BMPR1A: variants seen among roughly 807,000 people sequenced by gnomAD.
BMPR1A encodes the protein bone morphogenetic protein receptor type-1A.
A neutral mutation model predicts 66.0 loss-of-function variants in BMPR1A; 7 were observed. That is an observed-to-expected ratio of 0.11 (90% CI 0.06 to 0.20). The LOEUF is 0.20. Among genes scored for constraint, BMPR1A ranks in the 10% least tolerant of loss-of-function variants. The probability of loss-of-function intolerance (pLI) is 1.00; values close to 1 mark genes in which losing one functional copy is unlikely to be tolerated. For missense variants in BMPR1A, 408 were observed against 669.1 expected (o/e 0.61, Z 4.31); for synonymous variants, 200 against 229.7 (o/e 0.87, Z 1.17).
At chr10:86,901,764 A>T (rs1004083512) in intron 7 of BMPR1A, among the ~76,000 whole-genome samples, 1 of 152,210 alleles carries the variant, frequency 6.6e-6, no homozygotes, top group Non-Finnish European at 1.5e-5. Context: ...GACAGGTGAT[A>T]ATATCTCAAG....
chr10:86,873,868 A>T (rs1205992610), intron 2 of BMPR1A, among the ~76,000 whole-genome samples: 1 of 152,244 alleles, frequency 6.6e-6, no homozygotes, highest in African/African-American at 2.4e-5. Flanking sequence ...AAACAATTTT[A>T]TATTACAGAA....
chr10:86,869,037 A>G (rs1426967666), intron 2 of BMPR1A, among the ~76,000 whole-genome samples: 2 of 152,184 alleles, frequency 1.3e-5, no homozygotes, highest in African/African-American at 2.4e-5. Flanking sequence ...CAGCATGTCA[A>G]ATATCTGCAT....
intron 2 of BMPR1A, among the ~76,000 whole-genome samples, chr10:86,852,343 A>G (rs879928393): frequency 6.6e-6 from 1 of 152,178 alleles, no homozygotes; most frequent in Non-Finnish European, 1.5e-5. Flanking sequence ...TTTAGTGAAC[A>G]CCTAGAACAA....
chr10:86,837,118 C>T (rs775995284), intron 1 of BMPR1A, among the ~76,000 whole-genome samples: 2 of 151,970 alleles, frequency 1.3e-5, no homozygotes, highest in Admixed American at 6.6e-5. Flanking sequence ...AAACTTTTAG[C>T]CAAGGAAACA....
chr10:86,817,222 A>G (rs1219332016), intron 1 of BMPR1A, among the ~76,000 whole-genome samples: 1 of 152,196 alleles, frequency 6.6e-6, no homozygotes, highest in Non-Finnish European at 1.5e-5. Flanking sequence ...AAATATACTC[A>G]TCTTGTAAAG....
chr10:86,834,627 C>A (rs1245210897), intron 1 of BMPR1A, among the ~76,000 whole-genome samples: 1 of 152,122 alleles, frequency 6.6e-6, no homozygotes, highest in Non-Finnish European at 1.5e-5. Context: ...TAGAACGCAA[C>A]CCATTCATGA....
At chr10:86,766,556 A>G (rs1366137694) in intron 1 of BMPR1A, among the ~76,000 whole-genome samples, 1 of 151,676 alleles carries the variant, frequency 6.6e-6, no homozygotes, top group East Asian at 1.9e-4. Flanking sequence ...CTTCGTAACC[A>G]TTCATATTCC....
At chr10:86,917,032 G>C (rs1180317258) in intron 8 of BMPR1A, 102 bp from the exon 9 acceptor site, 3 of 1,246,556 alleles carry the variant, frequency 2.4e-6, no homozygotes, top group Non-Finnish European at 3.5e-6. Flanking sequence ...AACTGGAGTT[G>C]GTTGGGTACA....
rs372308122 is a variant in BMPR1A at position 86,900,165 on chromosome 10, A to G, written c.530+39A>G. 1.9e-6 allele frequency: 3 copies of G among 1,590,670 alleles called. No homozygotes were observed. The African/African-American group carries it at 4.0e-5, about 21-fold the overall frequency. ...TATTTTGAAGCAAAATATTTTGTCAAATATTAGATGTCAACCGCTGTTTGT... is the reference window on the plus strand; with the variant it reads ...TATTTTGAAGCAAAATATTTTGTCAGATATTAGATGTCAACCGCTGTTTGT... On this transcript the variant is annotated intron_variant, in intron 7 of 12. Coordinates refer to ENST00000372037, the MANE Select transcript of BMPR1A (RefSeq NM_004329.3).
intron 1 of BMPR1A, among the ~76,000 whole-genome samples, chr10:86,778,666 G>A (rs896561022): frequency 3.9e-5 from 6 of 151,952 alleles, no homozygotes; most frequent in African/African-American, 4.8e-5. Flanking sequence ...CCTTCCTACC[G>A]TAGGATAAAG....
At chr10:86,758,192 C>A (rs544774912) in intron 1 of BMPR1A, among the ~76,000 whole-genome samples, 5 of 152,272 alleles carry the variant, frequency 3.3e-5, no homozygotes, top group Non-Finnish European at 5.9e-5. Context: ...TTTAGTAGAA[C>A]CAGACTCAGT....
At chr10:86,854,438 A>T (rs1842613230) in intron 2 of BMPR1A, among the ~76,000 whole-genome samples, 1 of 152,256 alleles carries the variant, frequency 6.6e-6, no homozygotes, top group Non-Finnish European at 1.5e-5. Context: ...GGAAGTGATA[A>T]GTGTCCATGA....
intron 7 of BMPR1A, among the ~76,000 whole-genome samples, chr10:86,906,841 A>T (rs572280499): frequency 6.6e-6 from 1 of 150,846 alleles, no homozygotes; most frequent in African/African-American, 2.4e-5. Context: ...GTTGTGCCAC[A>T]GCTCTTTAAT....
At chr10:86,849,461 T>C (rs1178459759) in intron 2 of BMPR1A, among the ~76,000 whole-genome samples, 1 of 152,228 alleles carries the variant, frequency 6.6e-6, no homozygotes, top group Non-Finnish European at 1.5e-5. Flanking sequence ...TCTCTTCCCA[T>C]GTCTTTGGAT....
intron 1 of BMPR1A, among the ~76,000 whole-genome samples, chr10:86,799,930 T>G (rs935420345): frequency 2.6e-5 from 4 of 152,162 alleles, no homozygotes; most frequent in African/African-American, 9.7e-5. Flanking sequence ...TTGGTAGTCT[T>G]TTGAGTCTTT....
chr10:86,844,893 C>CTGTA (rs1207362708), intron 2 of BMPR1A, among the ~76,000 whole-genome samples: 2 of 152,208 alleles, frequency 1.3e-5, no homozygotes, highest in Non-Finnish European at 2.9e-5. Flanking sequence ...TCTCCTGCCT[C>CTGTA]AGCCTCCCGA....
chr10:86,805,903 T>G (rs1257378850), intron 1 of BMPR1A, among the ~76,000 whole-genome samples: 2 of 150,596 alleles, frequency 1.3e-5, no homozygotes, highest in African/African-American at 5.0e-5. Flanking sequence ...AGGTGTTTTT[T>G]TTTTTTTTTT....
rs556000329 is a variant in BMPR1A at position 86,813,488 on chromosome 10, C to T, written c.-267-25377C>T. ...GGATAGTGCTGGGAGGTACTACCCT[C>T]GGAATCCTGGTTTTCAAGGACATAG... On this transcript the variant is annotated intron_variant, in intron 1 of 12. Transcript: ENST00000372037. Among the ~76,000 whole-genome samples, 27 of 152,274 alleles carry T rather than the reference C, an allele frequency of 1.8e-4. 1 individual carries two copies. In the Middle Eastern group the frequency reaches 0.024, roughly 134 times the overall value.
chr10:86,908,484 C>T (rs371111877), intron 7 of BMPR1A, among the ~76,000 whole-genome samples: 1 of 152,142 alleles, frequency 6.6e-6, no homozygotes, highest in African/African-American at 2.4e-5. Context: ...AGTGTTTGGG[C>T]CTGTGCCTTC....
Sources: gnomAD v4.1 joint callset for allele counts (sites outside exome capture counted in the v4.1 genomes callset) on GRCh38, gnomAD v4.1.1 for gene constraint, MANE v1.5 for transcripts, NCBI Gene and HGNC (gene_info 2026-07-23, HGNC 2026-07-21) for gene names.